The following IRS1 variants were observed in gnomAD, a reference collection of about 807,000 sequenced individuals.
IRS1 encodes insulin receptor substrate 1.
A neutral mutation model predicts 65.6 loss-of-function variants in IRS1; 34 were observed. The ratio of observed to expected loss-of-function variants is 0.52; its 90% confidence interval spans 0.39 to 0.69. The LOEUF is 0.69. IRS1 is among the 30% of genes least tolerant of loss of function. The pLI is 0.00. For missense variants in IRS1, 1,641 were observed against 1,720.2 expected (o/e 0.95, Z 0.81); for synonymous variants, 699 against 683.5 (o/e 1.02, Z -0.35).
chr2:226,797,663 T>A lies in IRS1; in HGVS notation c.1076A>T (p.His359Leu). 1 of 1,595,098 alleles carries A rather than the reference T, an allele frequency of 6.3e-7. No individual in the cohort carries two copies. Among genetic ancestry groups the A allele is most frequent in the Non-Finnish European group, 8.5e-7 (1 of 1,177,162 alleles). ...PSTNRTHAHR[H>L]RGSARLHPPL... is the part of the protein sequence containing the mutation. ...GGGGTGCAGCCGGGCGCTGCCCCGA[T>A]GCCGGTGGGCGTGGGTTCTGTTGGT... Residue 359 changes from histidine to leucine, a missense_variant, in exon 1 of 2, where the codon CAT becomes CTT. Physicochemically the swap from His to Leu is moderately conservative, Grantham distance 99. Transcript: ENST00000305123. The surrounding 1 kb of genome is among the most constrained non-coding windows in gnomAD (Gnocchi z 8.1).
In IRS1 at chr2:226,795,236, CCA is replaced by C. The variant is rs1939687369; in HGVS notation, c.3501_3502del (p.Cys1167TrpfsTer11). On this transcript the variant is annotated frameshift_variant, in exon 1 of 2. Transcript: ENST00000305123. LOFTEE classifies it high-confidence loss of function. ...ACCATTCTCCAAACCCCCAGCAGCC[CCA>C]CACAGTTTGGCTGGCTCCTTGGGGG... The C allele has an allele frequency of 1.2e-6, 2 of 1,613,928 alleles. No homozygotes were observed. Among genetic ancestry groups the C allele is most frequent in the Non-Finnish European group, 1.7e-6 (2 of 1,179,972 alleles).
intron 1 of IRS1, among the ~76,000 whole-genome samples, chr2:226,787,496 AT>A (rs1939508642): frequency 6.6e-6 from 1 of 152,058 alleles, no homozygotes; most frequent in Admixed American, 6.6e-5. Context: ...TCTCAGTACC[AT>A]TTTTCCCTCC....
At chr2:226,736,319 T>C (rs1329897605) in intron 1 of IRS1, 69 bp from the exon 2 acceptor site, 2 of 152,206 alleles carry the variant, frequency 1.3e-5, no homozygotes, top group Non-Finnish European at 2.9e-5. Flanking sequence ...CTTTAGAACC[T>C]TTCTTTTACA....
intron 1 of IRS1, among the ~76,000 whole-genome samples, chr2:226,791,185 A>C (rs932440223): frequency 6.6e-6 from 1 of 151,968 alleles, no homozygotes; most frequent in African/African-American, 2.4e-5. Context: ...CCATGACCCA[A>C]AACGATGGCA....
At chr2:226,781,159 C>G (rs1045145628) in intron 1 of IRS1, among the ~76,000 whole-genome samples, 2 of 152,134 alleles carry the variant, frequency 1.3e-5, no homozygotes, top group South Asian at 4.2e-4. Context: ...TACACTTGAA[C>G]CCAGCTAATA....
At position 226,796,245 on chromosome 2, in the gene IRS1, G is replaced by A; in HGVS notation, c.2494C>T (p.Pro832Ser). 1 of 1,613,522 alleles carries A rather than the reference G, an allele frequency of 6.2e-7. No individual in the cohort carries two copies. ...GARLEPSLPH[P>S]HHQVLQPHLP... ...TGGGGCTGCAGAACCTGATGGTGGGGATGTGGAAGGCTGGGCTCCAGCCTA... is the reference window on the plus strand; with the variant it reads ...TGGGGCTGCAGAACCTGATGGTGGGAATGTGGAAGGCTGGGCTCCAGCCTA... The change falls in exon 1 of 2, where the codon CCC becomes TCC. Residue 832 changes from proline to serine, a missense_variant. Transcript: ENST00000305123.
In IRS1 at chr2:226,798,678, T is replaced by C; in HGVS notation, c.61A>G (p.Lys21Glu). Residue 21 changes from lysine (K) to glutamate (E), a missense_variant, in exon 1 of 2, where the codon AAA (lysine) becomes GAA (glutamate). Lys to Glu is a moderately conservative substitution (Grantham distance 56, BLOSUM62 1). Around this residue, in one of 3 missense-constraint regions of IRS1, gnomAD observed 240 missense variants for 229.6 expected, o/e 1.05. Coordinates refer to ENST00000305123, the MANE Select transcript of IRS1 (RefSeq NM_005544.3). This position sits in a 1 kb window ranked among gnomAD's most constrained non-coding sequence, Gnocchi z 9.4. ...SDVRKVGYLR[K>E]PKSMHKRFFV... ...AAGCGTTTGTGCATGCTCTTGGGTT[T>C]GCGCAGGTAGCCCACCTTGCGCACG... 1.2e-6 allele frequency: 2 copies of C among 1,613,226 alleles called. No individual in the cohort carries two copies. The highest frequency in any genetic ancestry group is 1.7e-6 in the Non-Finnish European group (2 of 1,179,952).
Position 226,795,587 on chromosome 2 carries a change from G to C in IRS1, c.3152C>G (p.Ala1051Gly). 6.2e-7 allele frequency: 1 copy of C among 1,612,760 alleles called. No homozygotes were observed. Among genetic ancestry groups the C allele is most frequent in the Non-Finnish European group, 8.5e-7 (1 of 1,179,880 alleles). The change falls in exon 1 of 2, where the codon GCA becomes GGA. Residue 1051 changes from alanine (A) to glycine (G), a missense_variant. Around this residue, in one of 3 missense-constraint regions of IRS1, gnomAD observed 1,324 missense variants for 1,361.0 expected, o/e 0.97. Coordinates refer to ENST00000305123, the MANE Select transcript of IRS1 (RefSeq NM_005544.3). ...SASPTGPQGA[A>G]ELAAHSSLLG... ...CAGGGACGAGTGGGCAGCCAGCTCT[G>C]CTGCCCCTTGAGGCCCAGTCGGGGA...
intron 1 of IRS1, among the ~76,000 whole-genome samples, chr2:226,776,641 T>A (rs1939279657): frequency 6.6e-6 from 1 of 152,220 alleles, no homozygotes; most frequent in African/African-American, 2.4e-5. Context: ...GTGCTGTGGC[T>A]CATGCCTGCA....
chr2:226,790,854 A>G (rs1337520123), intron 1 of IRS1, among the ~76,000 whole-genome samples: 1 of 152,204 alleles, frequency 6.6e-6, no homozygotes, highest in East Asian at 1.9e-4. Context: ...AGGGTACACA[A>G]CACAAATCTA....
At chr2:226,745,801 C>G (rs1288843534) in intron 1 of IRS1, among the ~76,000 whole-genome samples, 1 of 152,154 alleles carries the variant, frequency 6.6e-6, no homozygotes, top group East Asian at 1.9e-4. Flanking sequence ...TGTGGTGGAA[C>G]TAGCAAGCAA....
At chr2:226,740,043 T>C (rs1334485752) in intron 1 of IRS1, among the ~76,000 whole-genome samples, 7 of 152,204 alleles carry the variant, frequency 4.6e-5, no homozygotes, top group African/African-American at 1.7e-4. Flanking sequence ...CTACAAAGTT[T>C]TACAAATGCA....
chr2:226,766,401 T>A (rs1431845803), intron 1 of IRS1, among the ~76,000 whole-genome samples: 2 of 151,242 alleles, frequency 1.3e-5, no homozygotes, highest in Non-Finnish European at 2.9e-5. Flanking sequence ...TGGCCTCAAG[T>A]GATCCACTTG....
intron 1 of IRS1, among the ~76,000 whole-genome samples, chr2:226,791,143 G>A (rs772238240): frequency 6.6e-6 from 1 of 152,108 alleles, no homozygotes; most frequent in Non-Finnish European, 1.5e-5. Context: ...GGAGCCTAGG[G>A]CACTTTCAAG....
chr2:226,744,255 T>C (rs980852408), intron 1 of IRS1, among the ~76,000 whole-genome samples: 1 of 152,218 alleles, frequency 6.6e-6, no homozygotes, highest in African/African-American at 2.4e-5. Context: ...ATAATATGGG[T>C]TGTGGTTCAC....
chr2:226,752,602 T>C (rs1938706888), intron 1 of IRS1, among the ~76,000 whole-genome samples: 1 of 152,236 alleles, frequency 6.6e-6, no homozygotes, highest in Non-Finnish European at 1.5e-5. Flanking sequence ...TGGCCAGAGA[T>C]ACTTCCCAAG....
At chr2:226,750,383 T>C (rs1460378802) in intron 1 of IRS1, among the ~76,000 whole-genome samples, 4 of 152,176 alleles carry the variant, frequency 2.6e-5, no homozygotes, top group East Asian at 1.9e-4. Context: ...CATAACTATT[T>C]AGAGAAACAG....
rs548484548 is a variant in IRS1, at chr2:226,796,409, G to A, written c.2330C>T (p.Pro777Leu). The change falls in exon 1 of 2, where the codon CCC becomes CTC. Residue 777 changes from proline to leucine, a missense_variant. Pro to Leu is a moderately conservative substitution (Grantham distance 98, BLOSUM62 -3). Transcript: ENST00000305123. ...LPRSFKHTQR[P>L]GEPEEGARHQ... ...CCGGGCACCCTCCTCCGGCTCCCCG[G>A]GGCGCTGGGTGTGCTTAAAGGATCT... The A allele has an allele frequency of 4.3e-6, 7 of 1,613,444 alleles. No individual in the cohort carries two copies. The South Asian group carries it at 5.5e-5, about 13-fold the overall frequency.
rs1574667777 is a variant in IRS1, at chr2:226,798,674, G to T, written c.65C>A (p.Pro22His). The change falls in exon 1 of 2, where the codon CCC becomes CAC. Residue 22 changes from proline (P) to histidine (H), a missense_variant. Pro to His is a moderately conservative substitution (Grantham distance 77). This residue lies in a region of IRS1 where 240 missense variants were observed against 229.6 expected (regional missense o/e 1.05). Transcript: ENST00000305123. This position sits in a 1 kb window ranked among gnomAD's most constrained non-coding sequence, Gnocchi z 9.4. ...GAAGAAGCGTTTGTGCATGCTCTTG[G>T]GTTTGCGCAGGTAGCCCACCTTGCG... ...DVRKVGYLRKPKSMHKRFFVL... is the reference protein window; with the variant it reads ...DVRKVGYLRKHKSMHKRFFVL... 2 of 1,613,206 alleles carry T rather than the reference G, an allele frequency of 1.2e-6. No homozygotes were observed. The highest frequency in any genetic ancestry group is 2.2e-5 in the South Asian group (2 of 91,080).
Sources: gnomAD v4.1 joint callset for allele counts (sites outside exome capture counted in the v4.1 genomes callset) on GRCh38, gnomAD v4.1.1 for gene constraint, gnomAD v4.1.1 regional missense constraint, Gnocchi (gnomAD v3.1) non-coding constraint, MANE v1.5 for transcripts, NCBI Gene and HGNC (gene_info 2026-07-23, HGNC 2026-07-21) for gene names.